Variants in CNTN3 observed in about 807,000 individuals in gnomAD.
The protein encoded by CNTN3 is contactin-3.
Under a neutral mutation model 119.1 loss-of-function variants are expected in CNTN3, and 60 were observed. The ratio of observed to expected loss-of-function variants is 0.50; its 90% CI spans 0.41 to 0.62. The LOEUF is 0.62. CNTN3 is among the 20% of genes least tolerant of loss of function. The pLI is 0.00. For missense variants in CNTN3, 1,101 were observed against 1,242.4 expected (o/e 0.89, Z 1.71); for synonymous variants, 450 against 438.7 (o/e 1.03, Z -0.32).
At chr3:74,373,615 A>G (rs1435975957) in intron 5 of CNTN3, among the ~76,000 whole-genome samples, 2 of 152,234 alleles carry the variant, frequency 1.3e-5, no homozygotes, top group Non-Finnish European at 2.9e-5. Flanking sequence ...TAATAAGAAT[A>G]TATGAACAAT....
chr3:74,496,000 T>C (rs113526645), intron 3 of CNTN3, among the ~76,000 whole-genome samples: 66 of 152,184 alleles, frequency 4.3e-4, no homozygotes, highest in African/African-American at 1.5e-3. Flanking sequence ...GACATATTCA[T>C]CTGTACTGTC....
chr3:74,289,540 C>A (rs1702183026), intron 19 of CNTN3, among the ~76,000 whole-genome samples: 1 of 152,162 alleles, frequency 6.6e-6, no homozygotes, highest in Non-Finnish European at 1.5e-5. Flanking sequence ...TATATTACTT[C>A]ACTGGTTTGC....
intron 13 of CNTN3, among the ~76,000 whole-genome samples, chr3:74,314,421 T>C (rs1462242823): frequency 6.6e-6 from 1 of 152,156 alleles, no homozygotes; most frequent in Non-Finnish European, 1.5e-5. Flanking sequence ...AAAACCTATG[T>C]TATATATGAA....
At chr3:74,541,741 T>TA (rs1703845654) in intron 1 of CNTN3, among the ~76,000 whole-genome samples, 1 of 152,230 alleles carries the variant, frequency 6.6e-6, no homozygotes, top group Non-Finnish European at 1.5e-5. Context: ...CATTATAAGT[T>TA]ACATACATGT....
chr3:74,602,202 T>C (rs1350673628), intron 1 of CNTN3, among the ~76,000 whole-genome samples: 3 of 143,212 alleles, frequency 2.1e-5, no homozygotes, highest in Non-Finnish European at 4.5e-5. Context: ...GGTAAGACGA[T>C]CACTTGAGCC....
At chr3:74,404,190 C>T (rs1705265329) in intron 5 of CNTN3, among the ~76,000 whole-genome samples, 1 of 152,044 alleles carries the variant, frequency 6.6e-6, no homozygotes, top group South Asian at 2.1e-4. Flanking sequence ...AACTGCTGGG[C>T]TAAATTTATC....
chr3:74,564,736 C>T (rs1257646984), intron 1 of CNTN3, among the ~76,000 whole-genome samples: 1 of 151,894 alleles, frequency 6.6e-6, no homozygotes, highest in Non-Finnish European at 1.5e-5. Context: ...ATGTTCTTGG[C>T]TGTGTAATCT....
intron 13 of CNTN3, among the ~76,000 whole-genome samples, chr3:74,314,569 A>G (rs895763335): frequency 2.6e-5 from 4 of 152,346 alleles, no homozygotes; most frequent in African/African-American, 9.6e-5. Flanking sequence ...GAGGGGCATT[A>G]CATAATAAAG....
intron 13 of CNTN3, among the ~76,000 whole-genome samples, chr3:74,308,529 C>A (rs1702610109): frequency 6.6e-6 from 1 of 152,146 alleles, no homozygotes. Flanking sequence ...GCACTTCATG[C>A]CTATTTTAGG....
intron 11 of CNTN3, among the ~76,000 whole-genome samples, chr3:74,344,308 G>A (rs1451649896): frequency 6.8e-6 from 1 of 147,880 alleles, no homozygotes. Flanking sequence ...AGATAGAATA[G>A]TTTTGCCCTT....
chr3:74,591,264 A>G (rs914796598), intron 1 of CNTN3, among the ~76,000 whole-genome samples: 1 of 152,024 alleles, frequency 6.6e-6, no homozygotes, highest in African/African-American at 2.4e-5. Context: ...AGAAATTATT[A>G]GTAATATCAA....
chr3:74,437,527 T>C (rs1259957812), intron 4 of CNTN3, among the ~76,000 whole-genome samples: 4 of 152,164 alleles, frequency 2.6e-5, no homozygotes, highest in Admixed American at 2.6e-4. Context: ...CTAAAGTATC[T>C]ATTCTAGGAA....
At chr3:74,385,091 C>T (rs1228702967) in intron 5 of CNTN3, among the ~76,000 whole-genome samples, 1 of 152,170 alleles carries the variant, frequency 6.6e-6, no homozygotes, top group African/African-American at 2.4e-5. Context: ...AGACACTTAT[C>T]TTACTTGGGC....
chr3:74,526,094 G>T (rs1254567462), intron 1 of CNTN3, among the ~76,000 whole-genome samples: 1 of 151,712 alleles, frequency 6.6e-6, no homozygotes, highest in Admixed American at 6.6e-5. Context: ...AAACCCTACA[G>T]CAATTTTAAC....
chr3:74,381,547 T>C (rs1010743364), intron 5 of CNTN3, among the ~76,000 whole-genome samples: 13 of 152,194 alleles, frequency 8.5e-5, no homozygotes, highest in African/African-American at 1.9e-4. Flanking sequence ...AGTAGTTTTA[T>C]AGGCTTTGAG....
chr3:74,440,634 T>G (rs547783776), intron 4 of CNTN3, among the ~76,000 whole-genome samples: 1 of 152,164 alleles, frequency 6.6e-6, no homozygotes, highest in Non-Finnish European at 1.5e-5. Flanking sequence ...GTACTGAACA[T>G]GTATACTTTT....
chr3:74,558,705 G>C (rs1037533608), intron 1 of CNTN3, among the ~76,000 whole-genome samples: 1 of 152,040 alleles, frequency 6.6e-6, no homozygotes, highest in African/African-American at 2.4e-5. Flanking sequence ...CTGCAGGCCA[G>C]GTGCAGTGGT....
chr3:74,366,873 T>C (rs1704208043), intron 8 of CNTN3, among the ~76,000 whole-genome samples: 2 of 142,902 alleles, frequency 1.4e-5, no homozygotes, highest in African/African-American at 2.6e-5. Flanking sequence ...ACACATTTTC[T>C]TCTTCTTTCA....
At chr3:74,467,529 A>T (rs1365202761) in intron 4 of CNTN3, among the ~76,000 whole-genome samples, 1 of 152,176 alleles carries the variant, frequency 6.6e-6, no homozygotes, top group Non-Finnish European at 1.5e-5. Flanking sequence ...CACACAGAAG[A>T]AGAAATTACA....
Sources: gnomAD v4.1 joint callset for allele counts (sites outside exome capture counted in the v4.1 genomes callset) on GRCh38, gnomAD v4.1.1 for gene constraint, MANE v1.5 for transcripts, NCBI Gene and HGNC (gene_info 2026-07-23, HGNC 2026-07-21) for gene names.